The following DUOX1 variants were observed in gnomAD, a reference collection of about 807,000 sequenced individuals.
DUOX1 encodes the protein NADPH thyroid oxidase 1.
Under a neutral mutation model 181.8 loss-of-function variants are expected in DUOX1, and 134 were observed. The observed-to-expected ratio is 0.74, with a 90% CI of 0.64 to 0.85. The LOEUF (loss-of-function observed/expected upper bound fraction) is 0.85, where lower values mean the gene tolerates loss of function less well. Ranked by LOEUF, DUOX1 falls within the 40% of genes least tolerant of loss-of-function variation. The pLI is 0.00. For synonymous variants in DUOX1, 798 were observed against 832.5 expected (o/e 0.96, Z 0.71); for missense variants, 1,814 against 2,064.4 (o/e 0.88, Z 2.35).
chr15:45,161,616 T>G (rs1180434968), intron 29 of DUOX1, 122 bp from the exon 30 acceptor site: 2 of 863,738 alleles, frequency 2.3e-6, no homozygotes, highest in African/African-American at 1.7e-5. Flanking sequence ...GAGCTTCTGA[T>G]GGGGGAGGCC....
chr15:45,161,300 T>G (rs1595597622), intron 29 of DUOX1, among the ~76,000 whole-genome samples: 1 of 149,528 alleles, frequency 6.7e-6, no homozygotes, highest in African/African-American at 2.5e-5. Flanking sequence ...GCACCTGTAG[T>G]CCCAGCTACT....
chr15:45,163,573 G>C lies in DUOX1; in HGVS notation c.4290G>C (p.Glu1430Asp), dbSNP rs1897157220. ...IWVTRTQRQF[E>D]WLADIIREVE... ...TGACGCGGACCCAGCGTCAGTTTGA[G>C]TGGCTGGCTGACATCATCCGAGAGG... The change falls in exon 32 of 34, where the codon GAG becomes GAC. Residue 1430 changes from glutamate (E) to aspartate (D), a missense_variant. Coordinates refer to ENST00000389037, the MANE Select transcript of DUOX1 (RefSeq NM_175940.3). The C allele has an allele frequency of 6.2e-7, 1 of 1,614,066 alleles. No homozygotes were observed. Among genetic ancestry groups the C allele is most frequent in the Admixed American group, 1.7e-5 (1 of 60,008 alleles).
At chr15:45,143,895 G>A in intron 16 of DUOX1, 141 bp from the exon 17 acceptor site, 1 of 735,540 alleles carries the variant, frequency 1.4e-6, no homozygotes, top group Admixed American at 2.4e-5. Flanking sequence ...GGCTTTCAGG[G>A]AGGGAATGAC....
At chr15:45,139,240 A>G (rs770742783) in intron 11 of DUOX1, 72 bp downstream of exon 11, 1 of 1,610,162 alleles carries the variant, frequency 6.2e-7, no homozygotes, top group African/African-American at 1.3e-5. Flanking sequence ...GACTTCCAGA[A>G]CCAGGTATGA....
chr15:45,152,410 C>A lies in DUOX1; in HGVS notation c.3318C>A (p.Arg1106=). 1 of 1,614,236 alleles carries A rather than the reference C, an allele frequency of 6.2e-7. No individual in the cohort carries two copies. The highest frequency in any genetic ancestry group is 8.5e-7 in the Non-Finnish European group (1 of 1,180,038). The change falls in exon 25 of 34, where the codon CGC becomes CGA. Residue 1106 remains arginine, a synonymous_variant. Coordinates refer to ENST00000389037, the MANE Select transcript of DUOX1 (RefSeq NM_175940.3). ...CCTACATCTTGCTCACCATGTGCCG[C>A]AACCTCATCACCTTCCTGCGAGAAA... is the stretch of plus-strand genomic sequence containing the variant. The part of the protein sequence containing the change: ...MFSYILLTMC[R]NLITFLRETF...
At chr15:45,141,944 C>G in intron 14 of DUOX1, 31 bp from the exon 15 acceptor site, 2 of 1,594,868 alleles carry the variant, frequency 1.3e-6, no homozygotes, top group South Asian at 2.3e-5. Context: ...TGGCCCAGCA[C>G]CCAGGACGCT....
chr15:45,139,014 C>T, intron 10 of DUOX1, 52 bp from the exon 11 acceptor site: 3 of 1,536,794 alleles, frequency 2.0e-6, no homozygotes, highest in Non-Finnish European at 2.7e-6. Flanking sequence ...GGCTGTCTAA[C>T]CTCTGACCCC....
intron 18 of DUOX1, 67 bp downstream of exon 18, chr15:45,145,147 G>T: frequency 7.1e-7 from 1 of 1,404,004 alleles, no homozygotes; most frequent in Non-Finnish European, 9.5e-7. Flanking sequence ...AGGCCATGGG[G>T]TGACTCGAGG....
intron 1 of DUOX1, chr15:45,131,400 ACCT>A (rs1182426248): frequency 7.0e-5 from 11 of 156,550 alleles, no homozygotes; most frequent in Admixed American, 6.7e-4. Context: ...TTTGAATTAA[ACCT>A]CCTTCTCACA....
In DUOX1 at chr15:45,135,523, C is replaced by T. The variant is rs780112149; in HGVS notation, c.545C>T (p.Ser182Leu). The T allele has an allele frequency of 2.1e-5, 32 of 1,560,114 alleles. No homozygotes were observed. Among genetic ancestry groups the T allele is most frequent in the Middle Eastern group, 2.2e-4 (1 of 4,618 alleles). Residue 182 changes from serine (S) to leucine (L), a missense_variant, in exon 6 of 34, where the codon TCG becomes TTG. Around this residue, in one of 5 missense-constraint regions of DUOX1, gnomAD observed 320 missense variants for 313.1 expected, o/e 1.02. Coordinates refer to ENST00000389037, the MANE Select transcript of DUOX1 (RefSeq NM_175940.3). The part of the protein sequence containing the change: ...WLDGSAIYGS[S>L]HSWSDALRSF... ...GACGGCAGCGCCATCTATGGTTCCT[C>T]GCATTCCTGGAGCGACGCGCTGCGG...
Position 45,152,399 on chromosome 15 carries a change from A to G in DUOX1, c.3307A>G (p.Thr1103Ala). The part of the protein sequence containing the change: ...ISFMFSYILL[T>A]MCRNLITFLR... ...TTTCATGTTCTCCTACATCTTGCTC[A>G]CCATGTGCCGCAACCTCATCACCTT... The change falls in exon 25 of 34, where the codon ACC becomes GCC. Residue 1103 changes from threonine (T) to alanine (A), a missense_variant. Thr to Ala is a moderately conservative substitution (Grantham distance 58). Coordinates refer to ENST00000389037, the MANE Select transcript of DUOX1 (RefSeq NM_175940.3). 1.2e-6 allele frequency: 2 copies of G among 1,614,136 alleles called. No individual in the cohort carries two copies. Among genetic ancestry groups the G allele is most frequent in the Non-Finnish European group, 8.5e-7 (1 of 1,180,008 alleles).
chr15:45,143,032 A>G (rs1218942576), intron 15 of DUOX1, among the ~76,000 whole-genome samples, 158 bp from the exon 16 acceptor site: 5 of 152,118 alleles, frequency 3.3e-5, no homozygotes, highest in Non-Finnish European at 5.9e-5. Flanking sequence ...GATGCAGAGC[A>G]GCTTCCCCCA....
chr15:45,152,158 G>A (rs769054549), intron 24 of DUOX1, 106 bp downstream of exon 24: 16 of 1,488,934 alleles, frequency 1.1e-5, no homozygotes, highest in African/African-American at 2.8e-5. Flanking sequence ...GGTAAGTGGA[G>A]CCTGTCTGAG....
In DUOX1 at chr15:45,151,363, T is replaced by C. The variant is rs576342657; in HGVS notation, c.3014+115T>C. 3.3e-5 allele frequency: 46 copies of C among 1,373,784 alleles called. No individual in the cohort carries two copies. The African/African-American group carries it at 5.9e-4, about 18-fold the overall frequency. The allele number at this position is 1,373,784 out of a possible 1,614,324, so 85.1% of individuals were successfully genotyped here. A position where few individuals can be genotyped will look rare whatever the true frequency, so the allele number is the denominator to read the frequency against. On this transcript the variant is annotated intron_variant, in intron 23 of 33. Coordinates refer to ENST00000389037, the MANE Select transcript of DUOX1 (RefSeq NM_175940.3). ...ACATTGTGGGTACAGGCAGGGTGAA[T>C]AGTCCTTGCCCAAGAACATCACAAT...
At chr15:45,154,611 TA>T (rs1595592678) in intron 27 of DUOX1, among the ~76,000 whole-genome samples, 1 of 149,756 alleles carries the variant, frequency 6.7e-6, no homozygotes, top group African/African-American at 2.5e-5. Flanking sequence ...TTTTTTTTTT[TA>T]ATCCTAAAAT....
chr15:45,161,089 G>T, intron 29 of DUOX1, 99 bp downstream of exon 29: 1 of 1,538,606 alleles, frequency 6.5e-7, no homozygotes, highest in South Asian at 1.2e-5. Context: ...GCCCAGTGGA[G>T]CTGGCAGGTG....
intron 28 of DUOX1, among the ~76,000 whole-genome samples, chr15:45,159,866 T>C (rs1324370323): frequency 6.6e-6 from 1 of 152,096 alleles, no homozygotes. Flanking sequence ...GAAGCAAAAG[T>C]ACTGTTGGCC....
intron 28 of DUOX1, among the ~76,000 whole-genome samples, chr15:45,160,610 G>GA (rs1897072703): frequency 1.9e-5 from 2 of 104,386 alleles, no homozygotes; most frequent in African/African-American, 8.1e-5. Context: ...ACATCACTTG[G>GA]TCTAGGGTGG....
intron 27 of DUOX1, among the ~76,000 whole-genome samples, 170 bp downstream of exon 27, chr15:45,154,170 C>G (rs1283845062): frequency 6.6e-6 from 1 of 152,204 alleles, no homozygotes; most frequent in Admixed American, 6.5e-5. Flanking sequence ...TTAGACTACT[C>G]TGCATTCCAG....
Sources: gnomAD v4.1 joint callset for allele counts (sites outside exome capture counted in the v4.1 genomes callset) on GRCh38, gnomAD v4.1.1 for gene constraint, gnomAD v4.1.1 regional missense constraint, MANE v1.5 for transcripts, NCBI Gene and HGNC (gene_info 2026-07-23, HGNC 2026-07-21) for gene names.